MYO3A: variants seen among roughly 807,000 people sequenced by gnomAD.
The protein encoded by MYO3A is myosin-IIIa.
MYO3A carries 180 observed loss-of-function variants against 192.7 expected under a neutral mutation model. The ratio of observed to expected loss-of-function variants is 0.93; its 90% CI spans 0.83 to 1.06. The LOEUF (loss-of-function observed/expected upper bound fraction) is 1.06, where lower values mean the gene tolerates loss of function less well. Among genes scored for constraint, MYO3A ranks in the 50% least tolerant of loss-of-function variants. The pLI is 0.00. For synonymous variants in MYO3A, 628 were observed against 645.3 expected, an observed-to-expected ratio of 0.97 and a Z score of 0.41; for missense variants, 1,896 against 1,905.0, an observed-to-expected ratio of 1.00 and a Z score of 0.09.
intron 4 of MYO3A, among the ~76,000 whole-genome samples, chr10:25,971,877 C>G (rs777809111): frequency 7.2e-5 from 11 of 152,288 alleles, no homozygotes; most frequent in South Asian, 6.2e-4. Flanking sequence ...GAGTCTCACT[C>G]TGTCACCCAG....
At chr10:26,182,811 G>C (rs990463077) in intron 31 of MYO3A, among the ~76,000 whole-genome samples, 3 of 152,174 alleles carry the variant, frequency 2.0e-5, no homozygotes, top group Non-Finnish European at 4.4e-5. Flanking sequence ...CACAGAAGAC[G>C]TGCTCACAGT....
chr10:26,081,700 G>A (rs1005539691), intron 14 of MYO3A, among the ~76,000 whole-genome samples: 1 of 152,134 alleles, frequency 6.6e-6, no homozygotes, highest in Non-Finnish European at 1.5e-5. Context: ...GGCAGGAGTG[G>A]CCTGCTAGGG....
chr10:25,948,491 T>C (rs1026336201), intron 2 of MYO3A, among the ~76,000 whole-genome samples: 1 of 152,100 alleles, frequency 6.6e-6, no homozygotes, highest in Non-Finnish European at 1.5e-5. Context: ...AAAATAATTA[T>C]TTGGCTTACA....
intron 23 of MYO3A, among the ~76,000 whole-genome samples, chr10:26,148,281 T>C (rs1450514706): frequency 6.6e-6 from 1 of 152,210 alleles, no homozygotes; most frequent in Non-Finnish European, 1.5e-5. Context: ...CCCCATTGAA[T>C]TGCTTTGACA....
At chr10:26,024,931 G>A (rs1340370701) in intron 9 of MYO3A, among the ~76,000 whole-genome samples, 2 of 152,184 alleles carry the variant, frequency 1.3e-5, no homozygotes, top group African/African-American at 4.8e-5. Flanking sequence ...TAACTAGACA[G>A]TAAGCAACTC....
intron 15 of MYO3A, 70 bp downstream of exon 15, chr10:26,088,475 G>A (rs899124427): frequency 1.4e-6 from 2 of 1,421,922 alleles, no homozygotes; most frequent in African/African-American, 2.8e-5. Context: ...ATAGTAAAAT[G>A]TCTTTCTCAT....
chr10:26,009,542 C>T (rs913976950), intron 6 of MYO3A, among the ~76,000 whole-genome samples: 1 of 152,166 alleles, frequency 6.6e-6, no homozygotes, highest in Non-Finnish European at 1.5e-5. Flanking sequence ...ACAGTCTCTT[C>T]TCCCTACTCC....
intron 34 of MYO3A, among the ~76,000 whole-genome samples, chr10:26,209,494 T>C (rs1844124774): frequency 6.6e-6 from 1 of 152,230 alleles, no homozygotes; most frequent in African/African-American, 2.4e-5. Context: ...TCCTATTCTC[T>C]TGAGCCGCTT....
intron 15 of MYO3A, among the ~76,000 whole-genome samples, chr10:26,091,450 T>C (rs1836695307): frequency 6.6e-6 from 1 of 152,242 alleles, no homozygotes; most frequent in Non-Finnish European, 1.5e-5. Flanking sequence ...CAATGCTAGA[T>C]AATTCTCATA....
chr10:26,112,687 A>G (rs1030346225), intron 17 of MYO3A, among the ~76,000 whole-genome samples: 3 of 152,168 alleles, frequency 2.0e-5, no homozygotes, highest in African/African-American at 7.2e-5. Context: ...AAATACTCTC[A>G]GAGTTTACAG....
intron 5 of MYO3A, 152 bp from the exon 6 acceptor site, chr10:25,997,007 C>T: frequency 3.1e-6 from 2 of 646,148 alleles, no homozygotes; most frequent in Non-Finnish European, 5.5e-6. Flanking sequence ...AAATGATGTT[C>T]TTTGATGTGA....
chr10:25,993,644 G>T (rs910436057), intron 4 of MYO3A, among the ~76,000 whole-genome samples: 2 of 152,042 alleles, frequency 1.3e-5, no homozygotes, highest in Non-Finnish European at 2.9e-5. Flanking sequence ...TCTCTTGTGG[G>T]CATTTAGTGC....
At chr10:26,206,736 A>G (rs1328527833) in intron 34 of MYO3A, among the ~76,000 whole-genome samples, 3 of 152,224 alleles carry the variant, frequency 2.0e-5, no homozygotes, top group Admixed American at 2.0e-4. Flanking sequence ...GGCGTGAGCC[A>G]CCGCGCCCAG....
At chr10:26,081,135 C>A (rs937271338) in intron 14 of MYO3A, among the ~76,000 whole-genome samples, 3 of 89,528 alleles carry the variant, frequency 3.4e-5, no homozygotes, top group African/African-American at 1.3e-4. Context: ...TATGCCCTTC[C>A]CCCCCCCCCC....
chr10:25,991,818 A>G (rs938826326), intron 4 of MYO3A, among the ~76,000 whole-genome samples: 7 of 151,938 alleles, frequency 4.6e-5, no homozygotes, highest in Admixed American at 2.0e-4. Context: ...AAGATCAGAT[A>G]GTTGTAGATG....
chr10:26,151,789 A>G (rs908612718), intron 23 of MYO3A, among the ~76,000 whole-genome samples: 2 of 152,208 alleles, frequency 1.3e-5, no homozygotes, highest in African/African-American at 4.8e-5. Context: ...TTTCAGGCTG[A>G]CACTTCTCCA....
At chr10:26,139,723 C>A (rs1448426117) in intron 20 of MYO3A, among the ~76,000 whole-genome samples, 2 of 151,898 alleles carry the variant, frequency 1.3e-5, no homozygotes, top group Non-Finnish European at 2.9e-5. Flanking sequence ...GCCAACAGGG[C>A]AAGACCCAAC....
chr10:26,122,700 C>T (rs1165226851), intron 18 of MYO3A, among the ~76,000 whole-genome samples: 1 of 152,066 alleles, frequency 6.6e-6, no homozygotes, highest in East Asian at 1.9e-4. Flanking sequence ...CTCTCCATCA[C>T]CTCCCTCTCC....
chr10:26,172,160 T>C (rs1475749097), intron 29 of MYO3A, among the ~76,000 whole-genome samples: 1 of 152,228 alleles, frequency 6.6e-6, no homozygotes, highest in East Asian at 1.9e-4. Flanking sequence ...CAGGTGGGCC[T>C]GACCACTGCC....
Sources: gnomAD v4.1 joint callset for allele counts (sites outside exome capture counted in the v4.1 genomes callset) on GRCh38, gnomAD v4.1.1 for gene constraint, MANE v1.5 for transcripts, NCBI Gene and HGNC (gene_info 2026-07-23, HGNC 2026-07-21) for gene names.